The following NPR3 variants were observed in gnomAD, a reference collection of about 807,000 sequenced individuals.
The protein encoded by NPR3 is natriuretic peptide receptor 3.
Under a neutral mutation model 54.5 loss-of-function variants are expected in NPR3, and 34 were observed. The observed-to-expected ratio is 0.62, with a 90% CI of 0.47 to 0.83. The LOEUF (loss-of-function observed/expected upper bound fraction) is 0.83, where lower values mean the gene tolerates loss of function less well. Ranked by LOEUF, NPR3 falls within the 40% of genes least tolerant of loss-of-function variation. The pLI is 0.00. For synonymous variants in NPR3, 289 were observed against 297.1 expected (o/e 0.97, Z 0.28); for missense variants, 674 against 720.8 (o/e 0.94, Z 0.74).
At chr5:32,765,609 G>A (rs866470867) in intron 3 of NPR3, among the ~76,000 whole-genome samples, 4 of 152,156 alleles carry the variant, frequency 2.6e-5, no homozygotes, top group Non-Finnish European at 5.9e-5. Flanking sequence ...GTGCAGTATC[G>A]GGAACACAGA....
chr5:32,753,844 C>A (rs1740698746), intron 3 of NPR3, among the ~76,000 whole-genome samples: 1 of 152,132 alleles, frequency 6.6e-6, no homozygotes, highest in African/African-American at 2.4e-5. Context: ...GATAAGAGAG[C>A]CCTGCTCATG....
intron 1 of NPR3, among the ~76,000 whole-genome samples, chr5:32,719,510 C>G (rs1030929189): frequency 1.3e-5 from 2 of 152,134 alleles, no homozygotes; most frequent in African/African-American, 2.4e-5. Context: ...TATTAGAAAG[C>G]TGGAATCAGT....
rs534457301 is a variant in NPR3 at position 32,736,614 on chromosome 5, G to A, written c.893-2250G>A. Among the ~76,000 whole-genome samples the A allele has an allele frequency of 2.9e-4, 44 of 152,304 alleles. 1 individual carries two copies. The Middle Eastern group carries it at 0.014, about 47-fold the overall frequency. On this transcript the variant is annotated intron_variant, in intron 2 of 7. Transcript: ENST00000265074. ...CCTCCATTGGACAAAGATGTCCTGA[G>A]CATTCTTAGAATTTGGGGTCTTCCT...
chr5:32,704,415 A>G (rs180738587), upstream of NPR3, among the ~76,000 whole-genome samples: 52 of 143,028 alleles, frequency 3.6e-4, no homozygotes, highest in African/African-American at 1.3e-3. Context: ...TAGTTGTTCA[A>G]TTTGGTGTTC....
In NPR3 at chr5:32,711,515, A is replaced by G. The variant is rs979076034; in HGVS notation, c.-262A>G. ...AATATATACAAGTATATATATATGT[A>G]TATTACAGACGCACAGGTTTACACC... On this transcript the variant is annotated 5_prime_UTR_variant, in exon 1 of 8. Coordinates refer to ENST00000265074, the MANE Select transcript of NPR3 (RefSeq NM_001204375.2). 3.4e-6 allele frequency: 4 copies of G among 1,177,446 alleles called. No homozygotes were observed. Among genetic ancestry groups the G allele is most frequent in the Non-Finnish European group, 4.2e-6 (4 of 952,294 alleles). 72.9% of individuals were successfully genotyped at this position (1,177,446 alleles called of 1,614,324 possible).
At chr5:32,784,084 C>T (rs1291466483) in intron 6 of NPR3, among the ~76,000 whole-genome samples, 1 of 152,140 alleles carries the variant, frequency 6.6e-6, no homozygotes, top group Non-Finnish European at 1.5e-5. Flanking sequence ...GAACATTGAC[C>T]CAATGAATTT....
intron 3 of NPR3, among the ~76,000 whole-genome samples, chr5:32,765,091 T>A (rs1741382440): frequency 6.6e-6 from 1 of 152,184 alleles, no homozygotes; most frequent in South Asian, 2.1e-4. Context: ...GAGAAGCATA[T>A]TGTTACTAGG....
chr5:32,784,386 A>G (rs993342662), intron 6 of NPR3, among the ~76,000 whole-genome samples: 1 of 152,106 alleles, frequency 6.6e-6, no homozygotes, highest in Admixed American at 6.6e-5. Context: ...ATAGGGTTTC[A>G]CCATGTTGAC....
chr5:32,761,030 A>C lies in NPR3; in HGVS notation c.1060-13678A>C, dbSNP rs1741135257. Among the ~76,000 whole-genome samples the C allele has an allele frequency of 2.0e-5, 3 of 151,882 alleles. 1 individual carries two copies. The South Asian group carries it at 6.2e-4, about 32-fold the overall frequency. On this transcript the variant is annotated intron_variant, in intron 3 of 7. Transcript: ENST00000265074. ...TTCTGTTCCATTTATCTATTTGTCT[A>C]TTCTTACACCAGTTCTACACTGTCT...
Position 32,752,540 on chromosome 5 carries a change from C to T in NPR3, c.1059+13510C>T, listed in dbSNP as rs561358390. On this transcript the variant is annotated intron_variant, in intron 3 of 7. Coordinates refer to ENST00000265074, the MANE Select transcript of NPR3 (RefSeq NM_001204375.2). ...GCATCTGGATAGAAGGAGGCTTTCT[C>T]CTCCCCTCCTTCGCCCTCACTCCCT... 1.1e-4 allele frequency among the ~76,000 whole-genome samples: 17 copies of T among 152,264 alleles called. No homozygotes were observed. The South Asian group carries it at 2.9e-3, about 26-fold the overall frequency.
Position 32,724,828 on chromosome 5 carries a change from T to C in NPR3, c.892+8T>C. 1 of 1,613,760 alleles carries C rather than the reference T, an allele frequency of 6.2e-7. No homozygotes were observed. The highest frequency in any genetic ancestry group is 1.6e-4 in the Middle Eastern group (1 of 6,062). ...TCAACAGCTCTTCCTATGGTAACTC[T>C]GCTTCCACTTTCCCCTCCTCTGCTA... On this transcript the variant is annotated splice_region_variant and intron_variant, in intron 2 of 7. Transcript: ENST00000265074.
In NPR3 at chr5:32,789,559, C is replaced by T. The variant is rs1168906946; in HGVS notation, c.*3214C>T. The T allele has an allele frequency of 5.6e-6, 3 of 534,504 alleles. No individual in the cohort carries two copies. The allele number at this position is 534,504 out of a possible 1,614,324, so 33.1% of individuals were successfully genotyped here. On this transcript the variant is annotated 3_prime_UTR_variant, in exon 8 of 8. Transcript: ENST00000265074. ...AGAGAAATGCATGGGAAAAGAACAC[C>T]TCCTTTTCTCCTTTCTCTTAAATTC...
Position 32,712,355 on chromosome 5 carries a change from C to T in NPR3, c.579C>T (p.Arg193=), listed in dbSNP as rs1479330363. 1 of 1,612,852 alleles carries T rather than the reference C, an allele frequency of 6.2e-7. No homozygotes were observed. Among genetic ancestry groups the T allele is most frequent in the Non-Finnish European group, 8.5e-7 (1 of 1,179,234 alleles). ...KMGEMMLALF[R]HHHWSRAALV... is the part of the protein sequence containing the mutation. Reference sequence around the variant, plus strand: ...GCGAGATGATGCTCGCCCTGTTCCGCCACCACCACTGGAGCCGCGCTGCAC... The same window carrying T: ...GCGAGATGATGCTCGCCCTGTTCCGTCACCACCACTGGAGCCGCGCTGCAC... The change falls in exon 1 of 8, where the codon CGC becomes CGT. Residue 193 remains arginine (R), a synonymous_variant. Coordinates refer to ENST00000265074, the MANE Select transcript of NPR3 (RefSeq NM_001204375.2).
At chr5:32,720,289 G>C (rs1442700577) in intron 1 of NPR3, among the ~76,000 whole-genome samples, 1 of 152,200 alleles carries the variant, frequency 6.6e-6, no homozygotes, top group East Asian at 1.9e-4. Flanking sequence ...CTTGTTGCGG[G>C]TGAGGGGAGT....
Position 32,732,247 on chromosome 5 carries a change from CAAAAAAAAAAAAAA to C in NPR3, c.893-6599_893-6586del, listed in dbSNP as rs34564234. 2.4e-4 allele frequency among the ~76,000 whole-genome samples: 8 copies of C among 33,000 alleles called. No homozygotes were observed. The South Asian group carries it at 7.3e-3, about 30-fold the overall frequency. 21.6% of individuals were successfully genotyped at this position (33,000 alleles called of 152,430 possible). ...TGGGCGACAGAGCGAGACTCCGTCT[CAAAAAAAAAAAAAA>C]AAAAAAAAAAAAAAAAATCCATTCT... On this transcript the variant is annotated intron_variant, in intron 2 of 7. Transcript: ENST00000265074.
chr5:32,716,514 A>G, intron 1 of NPR3: 1 of 442,156 alleles, frequency 2.3e-6, no homozygotes, highest in South Asian at 1.6e-5. Context: ...AATTTTTCTC[A>G]GTAGGCTGAG....
intron 1 of NPR3, among the ~76,000 whole-genome samples, chr5:32,702,587 G>A (rs1478443015): frequency 2.6e-5 from 4 of 152,070 alleles, no homozygotes; most frequent in Non-Finnish European, 5.9e-5. Context: ...CAAAGGACAT[G>A]AACTCATCAT....
chr5:32,785,802 C>A (rs1372299959), intron 7 of NPR3, among the ~76,000 whole-genome samples: 3 of 152,206 alleles, frequency 2.0e-5, no homozygotes, highest in Admixed American at 1.3e-4. Flanking sequence ...GTGGTTTATT[C>A]ATAAGTCATT....
chr5:32,743,987 AT>A (rs199604802), intron 3 of NPR3, among the ~76,000 whole-genome samples: 1,521 of 113,606 alleles, frequency 0.013, 21 homozygotes, highest in Middle Eastern at 0.029. Context: ...ATTCTGATGC[AT>A]TTTTTTTTTT....
Sources: allele counts gnomAD v4.1 joint callset (sites outside exome capture counted in the v4.1 genomes callset), GRCh38; gene constraint gnomAD v4.1.1; transcripts MANE v1.5; gene names NCBI Gene and HGNC (gene_info 2026-07-23, HGNC 2026-07-21).